The following NOP56 variants were observed in gnomAD, a reference collection of about 807,000 sequenced individuals.
NOP56 encodes the protein NOP56 ribonucleoprotein.
In NOP56, 31 loss-of-function variants were observed where a neutral mutation model predicts 58.3. The ratio of observed to expected loss-of-function variants is 0.53; its 90% CI spans 0.40 to 0.72. NOP56 has a LOEUF of 0.72. NOP56 is among the 30% of genes least tolerant of loss of function. NOP56 has a pLI of 0.00. For missense variants in NOP56, 669 were observed against 739.9 expected (o/e 0.90, Z 1.11); for synonymous variants, 313 against 282.8 (o/e 1.11, Z -1.07).
At position 2,656,757 on chromosome 20, in the gene NOP56, C is replaced by A; in HGVS notation, c.1160-17C>A. On this transcript the variant is annotated splice_polypyrimidine_tract_variant and intron_variant, in intron 9 of 11. Coordinates refer to ENST00000329276, the MANE Select transcript of NOP56 (RefSeq NM_006392.4). ...CTCTCTTTGGGCTGACAGGCTTTGT[C>A]ACCCACACACATCCAGAGGTGCCCA... 2 of 1,614,138 alleles carry A rather than the reference C, an allele frequency of 1.2e-6. No individual in the cohort carries two copies. The highest frequency in any genetic ancestry group is 2.2e-5 in the South Asian group (2 of 91,076).
chr20:2,654,412 AGG>A lies in NOP56; in HGVS notation c.210_211del (p.Val71CysfsTer3). On this transcript the variant is annotated splice_acceptor_variant and coding_sequence_variant, in exon 4 of 12. Coordinates refer to ENST00000329276, the MANE Select transcript of NOP56 (RefSeq NM_006392.4). LOFTEE classifies it high-confidence loss of function. ...AGTGGGAACTGTGTTCTTTCCCCTG[AGG>A]GGTTGTTCATGAGGACCTCCGCCTG... 6.2e-7 allele frequency: 1 copy of A among 1,614,006 alleles called. No individual in the cohort carries two copies. The highest frequency in any genetic ancestry group is 8.5e-7 in the Non-Finnish European group (1 of 1,179,990).
chr20:2,657,440 G>A, intron 11 of NOP56: 2 of 741,724 alleles, frequency 2.7e-6, no homozygotes, highest in Non-Finnish European at 4.9e-6. Context: ...CCGTTCCCTG[G>A]GCATGTGTGT....
chr20:2,656,494 C>G lies in NOP56; in HGVS notation c.1104C>G (p.Ile368Met). The G allele has an allele frequency of 6.2e-7, 1 of 1,614,198 alleles. No individual in the cohort carries two copies. The highest frequency in any genetic ancestry group is 8.5e-7 in the Non-Finnish European group (1 of 1,180,044). Residue 368 changes from isoleucine (I) to methionine (M), a missense_variant, in exon 9 of 12, where the codon ATC (isoleucine) becomes ATG (methionine). By Grantham distance (10) the Ile-to-Met change is conservative. Coordinates refer to ENST00000329276, the MANE Select transcript of NOP56 (RefSeq NM_006392.4). ...CAGCTGCCAAGAACAAAGGCCGCAT[C>G]TCCCGATACCTGGCAAACAAATGCA... ...GRAAAKNKGR[I>M]SRYLANKCSI...
intron 2 of NOP56, 22 bp downstream of exon 2, chr20:2,652,953 C>T (rs760792085): frequency 7.7e-6 from 12 of 1,567,216 alleles, no homozygotes; most frequent in Non-Finnish European, 9.5e-6. Flanking sequence ...CCGTGGGCTC[C>T]TTTGGCGGCC....
chr20:2,656,307 G>T, intron 8 of NOP56, 94 bp from the exon 9 acceptor site: 1 of 1,604,910 alleles, frequency 6.2e-7, no homozygotes, highest in South Asian at 1.1e-5. Flanking sequence ...GGCTCACTCA[G>T]GACTTCGGGG....
chr20:2,652,744 T>TGGGCCC lies in NOP56; in HGVS notation c.3+86_3+87insCGGGCC, dbSNP rs762034044. 85 of 1,522,760 alleles carry TGGGCCC rather than the reference T, an allele frequency of 5.6e-5. No individual in the cohort carries two copies. The Admixed American group carries it at 1.4e-3, about 25-fold the overall frequency. 94.3% of individuals were successfully genotyped at this position (1,522,760 alleles called of 1,614,324 possible). On this transcript the variant is annotated intron_variant, in intron 1 of 11. Coordinates refer to ENST00000329276, the MANE Select transcript of NOP56 (RefSeq NM_006392.4). The stretch of plus-strand genomic sequence containing the variant: ...TCGGGCCGCAGACAGGGCCTGGGCC[T>TGGGCCC]GGGCCTGGGCCTGCGCCTGCGCCTG...
chr20:2,656,791 T>G lies in NOP56; in HGVS notation c.1177T>G (p.Phe393Val), dbSNP rs2086826797. The G allele has an allele frequency of 6.2e-7, 1 of 1,613,980 alleles. No individual in the cohort carries two copies. The highest frequency in any genetic ancestry group is 8.5e-7 in the Non-Finnish European group (1 of 1,180,030). ...DCFSEVPTSV[F>V]GEKLREQVEE... Reference sequence around the variant, plus strand: ...ACATCCAGAGGTGCCCACGAGTGTATTCGGGGAGAAGCTTCGAGAACAAGT... The same window carrying G: ...ACATCCAGAGGTGCCCACGAGTGTAGTCGGGGAGAAGCTTCGAGAACAAGT... The change falls in exon 10 of 12, where the codon TTC (phenylalanine) becomes GTC (valine). Residue 393 changes from phenylalanine to valine, a missense_variant. Physicochemically the swap from Phe to Val is conservative, Grantham distance 50. Transcript: ENST00000329276.
At chr20:2,654,080 G>A (rs539582955) in intron 3 of NOP56, 4 of 508,700 alleles carry the variant, frequency 7.9e-6, no homozygotes, top group Non-Finnish European at 1.6e-5. Context: ...GGTAAACACA[G>A]GCTGAGAAAA....
At chr20:2,652,766 C>T (rs951119777) in intron 1 of NOP56, 76 bp from the exon 2 acceptor site, 1 of 1,555,224 alleles carries the variant, frequency 6.4e-7, no homozygotes, top group Non-Finnish European at 8.7e-7. Flanking sequence ...TGCGCCTGCG[C>T]CTGCGCCTGC....
rs569646915 is a variant in NOP56 at position 2,655,671 on chromosome 20, C to T, written c.834C>T (p.Arg278=). The change falls in exon 7 of 12, where the codon CGC becomes CGT. Residue 278 remains arginine, a synonymous_variant. Coordinates refer to ENST00000329276, the MANE Select transcript of NOP56 (RefSeq NM_006392.4). The part of the protein sequence containing the change: ...SSRVVSLSEY[R]QSLHTYLRSK... ...GTGTGGTGTCTTTATCTGAATACCG[C>T]CAGAGCCTACACACTTACCTGCGCT... The T allele has an allele frequency of 5.0e-6, 8 of 1,614,096 alleles. No homozygotes were observed. Among genetic ancestry groups the T allele is most frequent in the Non-Finnish European group, 6.8e-6 (8 of 1,180,044 alleles).
Position 2,658,239 on chromosome 20 carries a change from G to C in NOP56, c.1730G>C (p.Gly577Ala), listed in dbSNP as rs1266174307. 1 of 1,599,050 alleles carries C rather than the reference G, an allele frequency of 6.3e-7. No homozygotes were observed. The highest frequency in any genetic ancestry group is 8.5e-7 in the Non-Finnish European group (1 of 1,172,738). Residue 577 changes from glycine (G) to alanine (A), a missense_variant, in exon 12 of 12, where the codon GGC becomes GCC. Around this residue, in one of 3 missense-constraint regions of NOP56, gnomAD observed 209 missense variants for 196.2 expected, o/e 1.07. Transcript: ENST00000329276. ...PVSSGPEEAV[G>A]KSSSKKKKKF... ...AGCAGTGGGCCTGAAGAGGCGGTTG[G>C]CAAGAGCAGCTCCAAGAAGAAGAAA...
intron 3 of NOP56, 148 bp from the exon 4 acceptor site, chr20:2,654,266 T>A (rs763829845): frequency 4.7e-6 from 4 of 842,116 alleles, no homozygotes; most frequent in Admixed American, 1.7e-5. Context: ...CAATCACTGA[T>A]GTCTCCATGT....
At position 2,655,028 on chromosome 20, in the gene NOP56, A is replaced by G. The variant is rs1228504392; in HGVS notation, c.569+81A>G. 4.6e-6 allele frequency: 7 copies of G among 1,533,062 alleles called. No individual in the cohort carries two copies. In the Middle Eastern group the frequency reaches 6.7e-4, roughly 148 times the overall value. The allele number at this position is 1,533,062 out of a possible 1,614,324, so 95.0% of individuals were successfully genotyped here. On this transcript the variant is annotated intron_variant, in intron 5 of 11. Coordinates refer to ENST00000329276, the MANE Select transcript of NOP56 (RefSeq NM_006392.4). ...TTTTGAGTCTTGATGAGGACTGACC[A>G]TCCTGTGGGTAGAACCATGTGGGCT...
rs1347847979 is a variant in NOP56, at chr20:2,652,658, G to C, written c.-3G>C. 2.8e-6 allele frequency: 4 copies of C among 1,432,792 alleles called. No individual in the cohort carries two copies. Among genetic ancestry groups the C allele is most frequent in the East Asian group, 2.9e-5 (1 of 34,554 alleles). The allele number at this position is 1,432,792 out of a possible 1,614,324, so 88.8% of individuals were successfully genotyped here. On this transcript the variant is annotated 5_prime_UTR_variant, in exon 1 of 12. Transcript: ENST00000329276. ...TTGCGAGCCGAACCCGGGAGCTGGC[G>C]CCATGGTGAGGAGTGGTTGCGGGGC...
chr20:2,656,190 C>A, intron 8 of NOP56, 156 bp downstream of exon 8: 1 of 1,606,258 alleles, frequency 6.2e-7, no homozygotes, highest in East Asian at 2.2e-5. Flanking sequence ...ATTCCCAGGG[C>A]CCAGCAAAGG....
At chr20:2,652,690 G>A in intron 1 of NOP56, 27 bp downstream of exon 1, 1 of 1,463,986 alleles carries the variant, frequency 6.8e-7, no homozygotes, top group Non-Finnish European at 9.0e-7. Flanking sequence ...GGGCGCGGGC[G>A]ACGCGACGGT....
rs539930863 is a variant in NOP56, at chr20:2,654,434, C to T, written c.229C>T (p.Arg77Cys). Residue 77 changes from arginine to cysteine, a missense_variant, in exon 4 of 12, where the codon CGC becomes TGC. Around this residue, in one of 3 missense-constraint regions of NOP56, gnomAD observed 121 missense variants for 113.1 expected, o/e 1.07. Coordinates refer to ENST00000329276, the MANE Select transcript of NOP56 (RefSeq NM_006392.4). The stretch of plus-strand genomic sequence containing the variant: ...CTGAGGGGTTGTTCATGAGGACCTC[C>T]GCCTGCTCTTGGAGACCCACCTGCC... ...VSEGVVHEDL[R>C]LLLETHLPSK... The T allele has an allele frequency of 6.2e-6, 10 of 1,614,104 alleles. No homozygotes were observed. The highest frequency in any genetic ancestry group is 1.1e-5 in the South Asian group (1 of 91,080).
Position 2,654,852 on chromosome 20 carries a change from G to A in NOP56, c.474G>A (p.Lys158=). The A allele has an allele frequency of 6.2e-7, 1 of 1,614,184 alleles. No homozygotes were observed. Among genetic ancestry groups the A allele is most frequent in the Non-Finnish European group, 8.5e-7 (1 of 1,180,040 alleles). ...ACAGCTATTCCCGTGCCAAAGTTAA[G>A]TTTAATGTGAACCGGGTGGACAATA... The part of the protein sequence containing the change: ...LGHSYSRAKV[K]FNVNRVDNMI... The change falls in exon 5 of 12, where the codon AAG becomes AAA. Residue 158 remains lysine (K), a synonymous_variant. Transcript: ENST00000329276.
At position 2,656,888 on chromosome 20, in the gene NOP56, T is replaced by TG. The variant is rs1465278008; in HGVS notation, c.1276dup (p.Val426GlyfsTer9). The TG allele has an allele frequency of 6.2e-7, 1 of 1,613,998 alleles. No individual in the cohort carries two copies. Among genetic ancestry groups the TG allele is most frequent in the Non-Finnish European group, 8.5e-7 (1 of 1,180,024 alleles). ...AATCTGGATGTCATGAAGGAAGCAA[T>TG]GGTTCAGGTCAGTTGGGCTTTGCTG... On this transcript the variant is annotated frameshift_variant, in exon 10 of 12. Transcript: ENST00000329276. LOFTEE classifies it high-confidence loss of function.
Sources: allele counts gnomAD v4.1 joint callset, GRCh38; gene constraint gnomAD v4.1.1; regional missense constraint gnomAD v4.1.1; transcripts MANE v1.5; gene names NCBI Gene and HGNC (gene_info 2026-07-23, HGNC 2026-07-21).